Variants in ARV1 observed in about 807,000 individuals in gnomAD.
ARV1 encodes the protein ARV1 fatty acid homeostasis modulator.
ARV1 carries 26 observed loss-of-function variants against 31.1 expected under a neutral mutation model. The ratio of observed to expected loss-of-function variants is 0.84; its 90% CI spans 0.61 to 1.16. The LOEUF is 1.16. Ranked by LOEUF, ARV1 falls within the 50% of genes most tolerant of loss-of-function variation. The pLI is 0.00. For synonymous variants in ARV1, 117 were observed against 123.2 expected (o/e 0.95, Z 0.34); for missense variants, 281 against 324.9 (o/e 0.86, Z 1.04).
chr1:230,992,940 A>C (rs193113907), intron 3 of ARV1, among the ~76,000 whole-genome samples: 91 of 152,330 alleles, frequency 6.0e-4, no homozygotes, highest in African/African-American at 2.0e-3. Flanking sequence ...CAACAATTTA[A>C]AATATTTGAA....
chr1:230,990,402 C>A, intron 3 of ARV1, 139 bp downstream of exon 3: 1 of 1,096,472 alleles, frequency 9.1e-7, no homozygotes, highest in South Asian at 1.4e-5. Context: ...TCAGCTCTAC[C>A]ACTACTAACC....
At chr1:230,991,920 G>A (rs1376893375) in intron 3 of ARV1, among the ~76,000 whole-genome samples, 5 of 152,164 alleles carry the variant, frequency 3.3e-5, no homozygotes, top group South Asian at 2.1e-4. Context: ...GAGCCACTGC[G>A]CCCAGCCACA....
intron 1 of ARV1, among the ~76,000 whole-genome samples, chr1:230,986,002 C>T (rs765491340): frequency 4.6e-5 from 7 of 152,010 alleles, no homozygotes; most frequent in African/African-American, 9.6e-5. Flanking sequence ...CTGTAAGCTC[C>T]GCCTCCTGGG....
chr1:230,983,795 G>A lies in ARV1; in HGVS notation c.174+4516G>A, dbSNP rs192424507. On this transcript the variant is annotated intron_variant, in intron 1 of 5. Transcript: ENST00000310256. ...AGGAAGTCATATCCATGTTTAGACA[G>A]GTGATGGAAGCAGCCTGAATTCCCA... 3.0e-3 allele frequency among the ~76,000 whole-genome samples: 462 copies of A among 152,356 alleles called. 5 individuals carry two copies. The highest frequency in any genetic ancestry group is 0.025 in the South Asian group (122 of 4,830).
At chr1:230,994,336 A>G (rs1679305423) in intron 3 of ARV1, among the ~76,000 whole-genome samples, 1 of 152,216 alleles carries the variant, frequency 6.6e-6, no homozygotes, top group Non-Finnish European at 1.5e-5. Flanking sequence ...TCAACCCACC[A>G]TTGTTAGATG....
At chr1:230,988,480 T>C (rs1679143059) in intron 2 of ARV1, 41 bp downstream of exon 2, 1 of 1,411,898 alleles carries the variant, frequency 7.1e-7, no homozygotes, top group African/African-American at 1.5e-5. Flanking sequence ...TATTTGATGC[T>C]GTTACATTTT....
intron 3 of ARV1, chr1:230,990,671 C>G: frequency 2.8e-6 from 1 of 353,876 alleles, no homozygotes; most frequent in South Asian, 2.2e-5. Context: ...CCTCCTGCCT[C>G]GGCCCCCCCA....
chr1:230,990,354 A>T, intron 3 of ARV1, 91 bp downstream of exon 3: 1 of 1,501,468 alleles, frequency 6.7e-7, no homozygotes, highest in Non-Finnish European at 9.1e-7. Context: ...AATTGTTGGT[A>T]AGAAGAGCTA....
At chr1:231,000,117 T>TA (rs1188334751) in intron 5 of ARV1, 21 bp from the exon 6 acceptor site, 4 of 152,246 alleles carry the variant, frequency 2.6e-5, no homozygotes, top group African/African-American at 9.6e-5. Flanking sequence ...GCATTCTAAA[T>TA]ACATCCTTTA....
chr1:230,982,810 A>G (rs984169404), intron 1 of ARV1, among the ~76,000 whole-genome samples: 1 of 152,204 alleles, frequency 6.6e-6, no homozygotes, highest in African/African-American at 2.4e-5. Flanking sequence ...TGAGATACAA[A>G]AAGTAAGAAG....
intron 3 of ARV1, among the ~76,000 whole-genome samples, chr1:230,992,573 G>A (rs12732752): frequency 0.18 from 28,111 of 152,116 alleles, 3,453 homozygotes; most frequent in Non-Finnish European, 0.27. Flanking sequence ...TGTTAGTCAC[G>A]GTTGTAGCTC....
At chr1:230,999,067 T>C (rs1405072736) in intron 5 of ARV1, among the ~76,000 whole-genome samples, 1 of 152,224 alleles carries the variant, frequency 6.6e-6, no homozygotes, top group Non-Finnish European at 1.5e-5. Flanking sequence ...CTTCTTTGCC[T>C]GTGCCAGGAT....
intron 5 of ARV1, among the ~76,000 whole-genome samples, chr1:230,997,671 C>T (rs1412623335): frequency 2.6e-5 from 4 of 152,136 alleles, no homozygotes; most frequent in Non-Finnish European, 5.9e-5. Context: ...ATTTTCGCTA[C>T]TTCTGACCTG....
intron 5 of ARV1, among the ~76,000 whole-genome samples, 183 bp downstream of exon 5, chr1:230,997,450 C>T (rs1430145464): frequency 6.6e-6 from 1 of 151,994 alleles, no homozygotes; most frequent in African/African-American, 2.4e-5. Flanking sequence ...CACTTTAGTT[C>T]CTTTTGTCAC....
intron 5 of ARV1, among the ~76,000 whole-genome samples, chr1:230,998,059 C>G (rs953677853): frequency 1.3e-5 from 2 of 152,242 alleles, no homozygotes; most frequent in Non-Finnish European, 2.9e-5. Context: ...CTTCGGTCTT[C>G]CTCATTCTTT....
At chr1:230,979,843 G>A (rs1228668838) in intron 1 of ARV1, among the ~76,000 whole-genome samples, 1 of 151,958 alleles carries the variant, frequency 6.6e-6, no homozygotes, top group Non-Finnish European at 1.5e-5. Flanking sequence ...GTTAAGGCCC[G>A]AATCCCTGAA....
At chr1:230,986,706 T>TTTTTTTTTTTTTTTTTTTTTTTTG (rs1679088192) in intron 1 of ARV1, among the ~76,000 whole-genome samples, 1 of 84,590 alleles carries the variant, frequency 1.2e-5, no homozygotes, top group Non-Finnish European at 2.2e-5. Flanking sequence ...TTTTTTTTTT[T>TTTTTTTTTTTTTTTTTTTTTTTTG]GAGAGAGAGA....
rs1358390754 is a variant in ARV1, at chr1:231,000,170, A to G, written c.*37A>G. ...CTTCTTCACTATCTGTGGCATGACCAGCTGTATCTGAAAGAGAAAAGACAT... is the reference window on the plus strand; with the variant it reads ...CTTCTTCACTATCTGTGGCATGACCGGCTGTATCTGAAAGAGAAAAGACAT... On this transcript the variant is annotated 3_prime_UTR_variant, in exon 6 of 6. Coordinates refer to ENST00000310256, the MANE Select transcript of ARV1 (RefSeq NM_022786.3). The G allele has an allele frequency of 6.6e-6, 1 of 152,258 alleles. No individual in the cohort carries two copies. The highest frequency in any genetic ancestry group is 1.5e-5 in the Non-Finnish European group (1 of 68,048). The allele number at this position is 152,258 out of a possible 1,614,324, so 9.4% of individuals were successfully genotyped here.
intron 5 of ARV1, among the ~76,000 whole-genome samples, chr1:230,998,130 C>T (rs765543931): frequency 1.4e-4 from 21 of 152,198 alleles, no homozygotes; most frequent in Non-Finnish European, 2.9e-4. Context: ...CTGTTTCTGA[C>T]CTGTGGGTGT....
Sources: gnomAD v4.1 joint callset for allele counts (sites outside exome capture counted in the v4.1 genomes callset) on GRCh38, gnomAD v4.1.1 for gene constraint, MANE v1.5 for transcripts, NCBI Gene and HGNC (gene_info 2026-07-23, HGNC 2026-07-21) for gene names.